The following ARL13B variants were observed in gnomAD, a reference collection of about 807,000 sequenced individuals.
The protein encoded by ARL13B is ARF like GTPase 13B, also known as ADP-ribosylation factor-like protein 13B.
In ARL13B, 36 loss-of-function variants were observed where a neutral mutation model predicts 56.1. The ratio of observed to expected loss-of-function variants is 0.64; its 90% CI spans 0.49 to 0.85. ARL13B has a LOEUF of 0.85. Among genes scored for constraint, ARL13B ranks in the 40% least tolerant of loss-of-function variants. The pLI, the probability that ARL13B is intolerant of heterozygous loss-of-function variation, is 0.00. For synonymous variants in ARL13B, 178 were observed against 171.1 expected (o/e 1.04, Z -0.32); for missense variants, 519 against 507.1 (o/e 1.02, Z -0.23).
intron 3 of ARL13B, among the ~76,000 whole-genome samples, chr3:94,017,065 A>G (rs554543695): frequency 6.6e-6 from 1 of 152,336 alleles, no homozygotes; most frequent in African/African-American, 2.4e-5. Flanking sequence ...TGCAAGGGTA[A>G]GGGGAACTCA....
intron 3 of ARL13B, among the ~76,000 whole-genome samples, chr3:94,025,488 A>C (rs750503619): frequency 2.6e-5 from 4 of 152,156 alleles, no homozygotes; most frequent in Non-Finnish European, 5.9e-5. Flanking sequence ...TTACATTATT[A>C]GGTTATTTCT....
At chr3:93,990,111 TCTC>T (rs988425778) in intron 1 of ARL13B, among the ~76,000 whole-genome samples, 12 of 152,292 alleles carry the variant, frequency 7.9e-5, no homozygotes, top group African/African-American at 2.6e-4. Flanking sequence ...TTCAAGTGAT[TCTC>T]CTGTCTCAGC....
intron 3 of ARL13B, among the ~76,000 whole-genome samples, chr3:94,032,881 A>G (rs1286073058): frequency 6.6e-6 from 1 of 152,244 alleles, no homozygotes; most frequent in South Asian, 2.1e-4. Context: ...AAAGGAAAAG[A>G]AATCATTATA....
chr3:94,040,686 G>GTT (rs61346850), intron 6 of ARL13B, among the ~76,000 whole-genome samples: 1,457 of 129,326 alleles, frequency 0.011, 31 homozygotes, highest in African/African-American at 0.037. Flanking sequence ...TACCTGGAAG[G>GTT]TTTTTTTTTT....
At chr3:93,980,573 G>T (rs1222035594) in intron 1 of ARL13B, 91 bp downstream of exon 1, 2 of 1,513,062 alleles carry the variant, frequency 1.3e-6, no homozygotes, top group African/African-American at 2.7e-5. Flanking sequence ...GCGCCTGGAC[G>T]AGTCTATCCC....
At chr3:94,021,370 T>C (rs899108998) in intron 3 of ARL13B, among the ~76,000 whole-genome samples, 6 of 151,894 alleles carry the variant, frequency 4.0e-5, no homozygotes, top group African/African-American at 1.5e-4. Flanking sequence ...AATTTTTGTA[T>C]TTCTGGTAGA....
intron 3 of ARL13B, among the ~76,000 whole-genome samples, chr3:94,019,640 A>G (rs1333689778): frequency 6.6e-6 from 1 of 151,690 alleles, no homozygotes; most frequent in South Asian, 2.1e-4. Flanking sequence ...GTTAAAATGT[A>G]GGTCAGACCA....
At chr3:94,033,026 A>C (rs984063451) in intron 3 of ARL13B, among the ~76,000 whole-genome samples, 1 of 152,232 alleles carries the variant, frequency 6.6e-6, no homozygotes, top group Non-Finnish European at 1.5e-5. Flanking sequence ...ATACATACAT[A>C]AAATGGAATG....
chr3:94,020,151 T>G (rs1056076774), intron 3 of ARL13B, among the ~76,000 whole-genome samples: 7 of 152,310 alleles, frequency 4.6e-5, no homozygotes, highest in African/African-American at 1.2e-4. Context: ...GAGTTAATAC[T>G]TAGAGGAGAA....
intron 3 of ARL13B, chr3:94,014,439 T>C: frequency 6.3e-7 from 1 of 1,593,934 alleles, no homozygotes. Context: ...TGCAAGGATT[T>C]CTTTTTTTGT....
At chr3:94,052,314 C>G (rs2077079756) in intron 9 of ARL13B, among the ~76,000 whole-genome samples, 2 of 152,102 alleles carry the variant, frequency 1.3e-5, no homozygotes, top group Non-Finnish European at 1.5e-5. Flanking sequence ...TGTGAGGATT[C>G]TACTATACAG....
rs538413974 is a variant in ARL13B, at chr3:94,054,264, A to G, written c.*1001A>G. 1 of 452,002 alleles carries G rather than the reference A, an allele frequency of 2.2e-6. No individual in the cohort carries two copies. The highest frequency in any genetic ancestry group is 7.0e-5 in the East Asian group (1 of 14,376). 28.0% of individuals were successfully genotyped at this position (452,002 alleles called of 1,614,324 possible). A position where few individuals can be genotyped will look rare whatever the true frequency, so the allele number is the denominator to read the frequency against. On this transcript the variant is annotated 3_prime_UTR_variant, in exon 10 of 10. Coordinates refer to ENST00000394222, the MANE Select transcript of ARL13B (RefSeq NM_001174150.2). Reference sequence around the variant, plus strand: ...CAGGTCCAGAGACTTCTGTTTTACAACTGGGAAACAGCTTGTGTACTAAAG... The same window carrying G: ...CAGGTCCAGAGACTTCTGTTTTACAGCTGGGAAACAGCTTGTGTACTAAAG...
chr3:94,027,397 T>TA (rs201976725), intron 3 of ARL13B, among the ~76,000 whole-genome samples: 1,673 of 152,228 alleles, frequency 0.011, 10 homozygotes, highest in Admixed American at 0.028. Context: ...TTATTTAGTC[T>TA]AAATAACTTA....
intron 7 of ARL13B, among the ~76,000 whole-genome samples, chr3:94,047,103 A>G (rs919646707): frequency 2.6e-5 from 4 of 152,190 alleles, no homozygotes; most frequent in Non-Finnish European, 5.9e-5. Context: ...CTCTACTCCT[A>G]GTAGTGTCAG....
intron 3 of ARL13B, among the ~76,000 whole-genome samples, chr3:94,026,223 G>A (rs889103280): frequency 2.2e-4 from 33 of 152,072 alleles, no homozygotes; most frequent in African/African-American, 7.7e-4. Context: ...GTTTCACCGT[G>A]TGAGCCAGGA....
intron 3 of ARL13B, among the ~76,000 whole-genome samples, chr3:94,004,355 A>G (rs1055876576): frequency 6.6e-6 from 1 of 152,128 alleles, no homozygotes; most frequent in African/African-American, 2.4e-5. Flanking sequence ...TCACATCTAC[A>G]TTTCCATATT....
intron 3 of ARL13B, among the ~76,000 whole-genome samples, chr3:94,026,354 T>G (rs956119891): frequency 6.6e-6 from 1 of 152,240 alleles, no homozygotes; most frequent in Non-Finnish European, 1.5e-5. Flanking sequence ...TCTGTATCTG[T>G]GCATTTTGAC....
At chr3:94,018,790 G>A (rs375260410) in intron 3 of ARL13B, among the ~76,000 whole-genome samples, 1 of 152,010 alleles carries the variant, frequency 6.6e-6, no homozygotes. Flanking sequence ...TTTTGAGACC[G>A]AGTCTCACTC....
chr3:93,999,726 T>C (rs1307830268), intron 2 of ARL13B, among the ~76,000 whole-genome samples: 11 of 152,330 alleles, frequency 7.2e-5, no homozygotes, highest in South Asian at 4.1e-4. Context: ...CCTGGAACTT[T>C]ACTTCTTTAA....
Sources: allele counts gnomAD v4.1 joint callset (sites outside exome capture counted in the v4.1 genomes callset), GRCh38; gene constraint gnomAD v4.1.1; transcripts MANE v1.5; gene names NCBI Gene and HGNC (gene_info 2026-07-23, HGNC 2026-07-21).